BPTF: variants seen among roughly 807,000 people sequenced by gnomAD.
The protein encoded by BPTF is bromodomain PHD finger transcription factor.
BPTF carries 18 observed loss-of-function variants against 292.5 expected under a neutral mutation model. The observed-to-expected ratio is 0.06, with a 90% CI of 0.04 to 0.09. BPTF has a LOEUF of 0.09. Ranked by LOEUF, BPTF falls within the 10% of genes least tolerant of loss-of-function variation. BPTF has a pLI of 1.00. For synonymous variants in BPTF, 1,225 were observed against 1,251.9 expected (o/e 0.98, Z 0.45); for missense variants, 2,726 against 3,498.7 (o/e 0.78, Z 5.57).
intron 7 of BPTF, among the ~76,000 whole-genome samples, chr17:67,898,417 A>G (rs1203899313): frequency 6.6e-6 from 1 of 152,208 alleles, no homozygotes; most frequent in Non-Finnish European, 1.5e-5. Flanking sequence ...GATGCCAAGA[A>G]GGTATTTTAT....
chr17:67,980,336 C>G (rs1555696187), intron 27 of BPTF, among the ~76,000 whole-genome samples: 1 of 152,072 alleles, frequency 6.6e-6, no homozygotes, highest in Non-Finnish European at 1.5e-5. Context: ...CACTGAGGCT[C>G]CATCTCAAAA....
chr17:67,841,402 T>G (rs1348540320), intron 1 of BPTF, among the ~76,000 whole-genome samples: 1 of 151,936 alleles, frequency 6.6e-6, no homozygotes, highest in African/African-American at 2.4e-5. Flanking sequence ...AGAGCGAAAA[T>G]CTGTCTCAAA....
At chr17:67,978,823 A>C (rs1272815080) in intron 27 of BPTF, among the ~76,000 whole-genome samples, 1 of 152,128 alleles carries the variant, frequency 6.6e-6, no homozygotes. Context: ...AAGCCAAAGA[A>C]CGTCAGGGAT....
chr17:67,863,508 T>TGGA, intron 2 of BPTF, among the ~76,000 whole-genome samples: 3 of 152,084 alleles, frequency 2.0e-5, no homozygotes, highest in Admixed American at 2.0e-4. Flanking sequence ...ATGGTCTCCA[T>TGGA]CTCCTGACCT....
At chr17:67,948,527 T>C (rs561738869) in intron 23 of BPTF, among the ~76,000 whole-genome samples, 1 of 152,302 alleles carries the variant, frequency 6.6e-6, no homozygotes, top group African/African-American at 2.4e-5. Flanking sequence ...GACTAGCAAC[T>C]CTGAGAGGTG....
chr17:67,881,019 GA>G (rs2060368051), intron 4 of BPTF, among the ~76,000 whole-genome samples: 2 of 151,402 alleles, frequency 1.3e-5, no homozygotes, highest in Non-Finnish European at 1.5e-5. Flanking sequence ...GCTTTACTTT[GA>G]AATAAAATCT....
At chr17:67,918,075 AGG>A (rs1309195842) in intron 11 of BPTF, among the ~76,000 whole-genome samples, 4 of 152,126 alleles carry the variant, frequency 2.6e-5, no homozygotes. Context: ...CTGGGATTAC[AGG>A]CATGAGCCAC....
intron 3 of BPTF, among the ~76,000 whole-genome samples, chr17:67,870,959 C>T (rs993422844): frequency 2.3e-4 from 35 of 151,248 alleles, no homozygotes; most frequent in African/African-American, 7.5e-4. Context: ...TTAGTAGAGA[C>T]GGGGTTTCAC....
intron 23 of BPTF, among the ~76,000 whole-genome samples, chr17:67,952,165 A>G (rs1166085212): frequency 4.0e-5 from 6 of 151,328 alleles, no homozygotes; most frequent in Non-Finnish European, 8.8e-5. Flanking sequence ...AAATATGTAT[A>G]TGTACTGGCA....
Position 67,825,561 on chromosome 17 carries a change from C to G in BPTF, c.-164C>G, listed in dbSNP as rs753237497. The G allele has an allele frequency of 2.3e-6, 1 of 430,292 alleles. No individual in the cohort carries two copies. The highest frequency in any genetic ancestry group is 4.5e-6 in the Non-Finnish European group (1 of 223,704). The allele number at this position is 430,292 out of a possible 1,614,324, so 26.7% of individuals were successfully genotyped here. A position where few individuals can be genotyped will look rare whatever the true frequency, so the allele number is the denominator to read the frequency against. On this transcript the variant is annotated 5_prime_UTR_variant, in exon 1 of 28. Coordinates refer to ENST00000306378, the MANE Select transcript of BPTF (RefSeq NM_182641.4). Reference sequence around the variant, plus strand: ...GGCTGAAGGCGATCCGGAGTGGGGCCCCAGCAATTCGGATTGAGCCTTCTC... The same window carrying G: ...GGCTGAAGGCGATCCGGAGTGGGGCGCCAGCAATTCGGATTGAGCCTTCTC...
intron 9 of BPTF, among the ~76,000 whole-genome samples, chr17:67,908,556 G>A (rs904294648): frequency 5.0e-5 from 7 of 141,404 alleles, no homozygotes; most frequent in Admixed American, 1.5e-4. Flanking sequence ...GCAGTGGTAC[G>A]ATCTCAGTTC....
intron 18 of BPTF, among the ~76,000 whole-genome samples, chr17:67,939,828 C>CA (rs1406618845): frequency 6.6e-6 from 1 of 152,138 alleles, no homozygotes; most frequent in Non-Finnish European, 1.5e-5. Context: ...TGCAGTGAGC[C>CA]AAGATCACGC....
chr17:67,878,292 A>G (rs1247223716), intron 4 of BPTF, among the ~76,000 whole-genome samples: 1 of 152,068 alleles, frequency 6.6e-6, no homozygotes, highest in South Asian at 2.1e-4. Flanking sequence ...TTCTTGTTAC[A>G]TTTTGGTGGT....
At chr17:67,836,340 A>G (rs74902591) in intron 1 of BPTF, among the ~76,000 whole-genome samples, 2 of 152,116 alleles carry the variant, frequency 1.3e-5, no homozygotes, top group Non-Finnish European at 2.9e-5. Context: ...CAGTTTATAT[A>G]TTTTACTAGA....
intron 22 of BPTF, 78 bp downstream of exon 22, chr17:67,947,886 C>A: frequency 7.2e-7 from 1 of 1,379,342 alleles, no homozygotes; most frequent in Non-Finnish European, 9.9e-7. Flanking sequence ...TGAGTTTATA[C>A]TTGTTTATCT....
At position 67,922,235 on chromosome 17, in the gene BPTF, C is replaced by T. The variant is rs150271781; in HGVS notation, c.5558-605C>T. Reference sequence around the variant, plus strand: ...TCAGGTCCTGCTTTCATTTCTGTTTCCTTCTGCTGCTTCCTTGTGATTGAA... The same window carrying T: ...TCAGGTCCTGCTTTCATTTCTGTTTTCTTCTGCTGCTTCCTTGTGATTGAA... On this transcript the variant is annotated intron_variant, in intron 13 of 27. Transcript: ENST00000306378. 5.7e-3 allele frequency among the ~76,000 whole-genome samples: 862 copies of T among 152,280 alleles called. 28 individuals are homozygous for T. Among genetic ancestry groups the T allele is most frequent in the Admixed American group, 0.047 (712 of 15,294 alleles).
chr17:67,855,271 AG>A (rs2058623342), intron 2 of BPTF, among the ~76,000 whole-genome samples: 1 of 152,208 alleles, frequency 6.6e-6, no homozygotes, highest in Non-Finnish European at 1.5e-5. Flanking sequence ...ACTGCATTCC[AG>A]CCTGGGTGAC....
chr17:67,944,954 C>A (rs1206551379), intron 20 of BPTF, among the ~76,000 whole-genome samples: 1 of 152,078 alleles, frequency 6.6e-6, no homozygotes. Flanking sequence ...AGTTTCAGAG[C>A]GTCCTGCCCT....
chr17:67,940,330 G>GT (rs1172329168), intron 18 of BPTF, 109 bp from the exon 19 acceptor site: 29 of 1,025,444 alleles, frequency 2.8e-5, no homozygotes, highest in Non-Finnish European at 3.9e-5. Flanking sequence ...ATATCCCAGT[G>GT]TTTTTTTGAA....
Sources: gnomAD v4.1 joint callset for allele counts (sites outside exome capture counted in the v4.1 genomes callset) on GRCh38, gnomAD v4.1.1 for gene constraint, MANE v1.5 for transcripts, NCBI Gene and HGNC (gene_info 2026-07-23, HGNC 2026-07-21) for gene names.